The following LHCGR variants were observed in gnomAD, a reference collection of about 807,000 sequenced individuals.
LHCGR encodes luteinizing hormone/choriogonadotropin receptor, also known as lutropin-choriogonadotropic hormone receptor.
In LHCGR, 55 loss-of-function variants were observed where a neutral mutation model predicts 60.7. That is an observed-to-expected ratio of 0.91 (90% CI 0.73 to 1.13). The LOEUF (loss-of-function observed/expected upper bound fraction) is 1.13. Among genes scored for constraint, LHCGR ranks in the 50% most tolerant of loss-of-function variants. LHCGR has a pLI of 0.00. For missense variants in LHCGR, 862 were observed against 836.0 expected (o/e 1.03, Z -0.38); for synonymous variants, 337 against 316.5 (o/e 1.06, Z -0.69).
intron 10 of LHCGR, among the ~76,000 whole-genome samples, chr2:48,690,528 G>T (rs927339988): frequency 6.6e-6 from 1 of 152,190 alleles, no homozygotes; most frequent in Non-Finnish European, 1.5e-5. Context: ...CTTAAAATTA[G>T]CTCTTGCAGA....
chr2:48,741,255 G>A (rs1414206144), intron 1 of LHCGR, among the ~76,000 whole-genome samples: 1 of 152,178 alleles, frequency 6.6e-6, no homozygotes, highest in Non-Finnish European at 1.5e-5. Context: ...GAACCAAGTT[G>A]GAAAACACTC....
chr2:48,749,607 G>A (rs930811828), intron 1 of LHCGR, among the ~76,000 whole-genome samples: 6 of 151,774 alleles, frequency 4.0e-5, no homozygotes, highest in African/African-American at 1.5e-4. Flanking sequence ...GACCTTTGTT[G>A]CCTCATTTCA....
chr2:48,744,795 C>A (rs954839756), intron 1 of LHCGR, among the ~76,000 whole-genome samples: 3 of 151,678 alleles, frequency 2.0e-5, no homozygotes, highest in African/African-American at 7.3e-5. Context: ...GCAAGGACTT[C>A]ATGTCTAAAA....
chr2:48,728,850 A>T (rs1668860905), intron 3 of LHCGR, among the ~76,000 whole-genome samples: 1 of 152,132 alleles, frequency 6.6e-6, no homozygotes, highest in South Asian at 2.1e-4. Flanking sequence ...CACTATCCCA[A>T]GTACTCCATA....
At chr2:48,709,115 A>G (rs1667852903) in intron 7 of LHCGR, 93 bp from the exon 8 acceptor site, 6 of 954,560 alleles carry the variant, frequency 6.3e-6, no homozygotes, top group Non-Finnish European at 1.0e-5. Context: ...AGCTATGTGC[A>G]TGATGTATAG....
At chr2:48,726,018 C>T (rs1159881808) in intron 3 of LHCGR, among the ~76,000 whole-genome samples, 1 of 152,074 alleles carries the variant, frequency 6.6e-6, no homozygotes, top group Admixed American at 6.5e-5. Flanking sequence ...TGCACCCTCC[C>T]ACCCCTCTCC....
intron 1 of LHCGR, among the ~76,000 whole-genome samples, chr2:48,754,337 C>T (rs974416873): frequency 6.6e-6 from 1 of 152,170 alleles, no homozygotes; most frequent in African/African-American, 2.4e-5. Flanking sequence ...AAGGAAATGG[C>T]AGAGGGGGTG....
intron 8 of LHCGR, among the ~76,000 whole-genome samples, 190 bp from the exon 9 acceptor site, chr2:48,698,990 C>G (rs1257328031): frequency 6.6e-6 from 1 of 152,052 alleles, no homozygotes; most frequent in Non-Finnish European, 1.5e-5. Context: ...TACAGGCGCC[C>G]GCTACCACGC....
At chr2:48,717,256 T>C (rs1668289578) in intron 6 of LHCGR, among the ~76,000 whole-genome samples, 1 of 152,258 alleles carries the variant, frequency 6.6e-6, no homozygotes, top group Admixed American at 6.5e-5. Context: ...CCTTGTTTGA[T>C]ACATGTTAGG....
At chr2:48,694,464 G>C (rs981015921) in intron 9 of LHCGR, among the ~76,000 whole-genome samples, 160 bp from the exon 10 acceptor site, 1 of 152,114 alleles carries the variant, frequency 6.6e-6, no homozygotes, top group African/African-American at 2.4e-5. Context: ...TGAGGAGAGA[G>C]TAAAGGCTTC....
Position 48,688,713 on chromosome 2 carries a change from G to A in LHCGR, c.1084C>T (p.Leu362Phe). The A allele has an allele frequency of 6.2e-7, 1 of 1,614,114 alleles. No homozygotes were observed. Among genetic ancestry groups the A allele is most frequent in the Non-Finnish European group, 8.5e-7 (1 of 1,180,002 alleles). Reference protein sequence around the residue: ...PCEDIMGYDFLRVLIWLINIL... With the variant: ...PCEDIMGYDFFRVLIWLINIL... ...TTAATCAGCCAAATCAGGACCCTAAGGAAGTCATAGCCCATAATATCTTCA... is the reference window on the plus strand; with the variant it reads ...TTAATCAGCCAAATCAGGACCCTAAAGAAGTCATAGCCCATAATATCTTCA... Residue 362 changes from leucine to phenylalanine, a missense_variant, in exon 11 of 11, where the codon CTT becomes TTT. Physicochemically the swap from Leu to Phe is conservative, Grantham distance 22 (BLOSUM62 0). Transcript: ENST00000294954. The surrounding 1 kb of genome is among the most constrained non-coding windows in gnomAD (Gnocchi z 5.2).
In LHCGR at chr2:48,723,708, G is replaced by C. The variant is rs765879915; in HGVS notation, c.384-12C>G. On this transcript the variant is annotated splice_polypyrimidine_tract_variant and intron_variant, in intron 4 of 10. Coordinates refer to ENST00000294954, the MANE Select transcript of LHCGR (RefSeq NM_000233.4). ...TGTTACAGATGCTCCTGTGATTAGG[G>C]ACAGGATAGTGGTGTGGGCAGAGAG... The C allele has an allele frequency of 1.9e-6, 3 of 1,595,420 alleles. No individual in the cohort carries two copies. Among genetic ancestry groups the C allele is most frequent in the Non-Finnish European group, 2.6e-6 (3 of 1,163,034 alleles).
At chr2:48,698,254 C>A (rs1177581458) in intron 9 of LHCGR, among the ~76,000 whole-genome samples, 2 of 152,160 alleles carry the variant, frequency 1.3e-5, no homozygotes, top group Admixed American at 1.3e-4. Context: ...ATTTTGCCCT[C>A]CTGAGGCTTC....
At chr2:48,751,682 G>T (rs887133415) in intron 1 of LHCGR, among the ~76,000 whole-genome samples, 3 of 152,184 alleles carry the variant, frequency 2.0e-5, no homozygotes, top group African/African-American at 7.2e-5. Context: ...ACTCAAGAAA[G>T]GTGTCAGGAA....
chr2:48,699,538 A>G (rs933573279), intron 8 of LHCGR, among the ~76,000 whole-genome samples: 1 of 152,208 alleles, frequency 6.6e-6, no homozygotes, highest in African/African-American at 2.4e-5. Flanking sequence ...AGGGCTTCAG[A>G]TGCCTCAGTC....
At chr2:48,753,613 A>G (rs1012635301) in intron 1 of LHCGR, among the ~76,000 whole-genome samples, 8 of 152,156 alleles carry the variant, frequency 5.3e-5, no homozygotes, top group African/African-American at 1.9e-4. Flanking sequence ...AGCAGGAGAA[A>G]GTGGGATTTT....
chr2:48,708,959 C>A lies in LHCGR; in HGVS notation c.669G>T (p.Gly223=). 6.2e-7 allele frequency: 1 copy of A among 1,614,046 alleles called. No homozygotes were observed. The highest frequency in any genetic ancestry group is 8.5e-7 in the Non-Finnish European group (1 of 1,179,946). ...MHNGAFRGAT[G]PKTLDISSTK... is the part of the protein sequence containing the mutation. ...ACCATTCTACTCACAAGGTTTTCGG[C>A]CCTGTGGCCCCACGGAAGGCTCCAT... The change falls in exon 8 of 11, where the codon GGG becomes GGT. Residue 223 remains glycine (G), a synonymous_variant. Transcript: ENST00000294954.
At chr2:48,696,830 G>C (rs1324403480) in intron 9 of LHCGR, among the ~76,000 whole-genome samples, 1 of 105,320 alleles carries the variant, frequency 9.5e-6, no homozygotes, top group Non-Finnish European at 2.2e-5. Context: ...ATTTTCACAT[G>C]CCAGTGATTT....
chr2:48,731,295 T>C lies in LHCGR; in HGVS notation c.165A>G (p.Ser55=), dbSNP rs1668973640. The C allele has an allele frequency of 6.2e-7, 1 of 1,609,904 alleles. No homozygotes were observed. The highest frequency in any genetic ancestry group is 8.5e-7 in the Non-Finnish European group (1 of 1,177,540). ...TCACTTTGACAGGGAGGTAGGCAAGTGATCTAGAAAAGAAAAAAGGAAATC... is the reference window on the plus strand; with the variant it reads ...TCACTTTGACAGGGAGGTAGGCAAGCGATCTAGAAAAGAAAAAAGGAAATC... ...PGPTAGLTRL[S]LAYLPVKVIP... The change falls in exon 2 of 11, where the codon TCA becomes TCG. Residue 55 remains serine, a synonymous_variant. Transcript: ENST00000294954.
Sources: gnomAD v4.1 joint callset for allele counts (sites outside exome capture counted in the v4.1 genomes callset) on GRCh38, gnomAD v4.1.1 for gene constraint, Gnocchi (gnomAD v3.1) non-coding constraint, MANE v1.5 for transcripts, NCBI Gene and HGNC (gene_info 2026-07-23, HGNC 2026-07-21) for gene names.